Variants in CLYBL observed in about 807,000 individuals in gnomAD.
CLYBL encodes the protein citramalyl-CoA lyase, mitochondrial.
Under a neutral mutation model 38.9 loss-of-function variants are expected in CLYBL, and 31 were observed. The observed-to-expected ratio is 0.80, with a 90% CI of 0.60 to 1.08. The LOEUF is 1.08. Ranked by LOEUF, CLYBL falls within the 50% of genes least tolerant of loss-of-function variation. The pLI is 0.00. For synonymous variants in CLYBL, 171 were observed against 158.6 expected (o/e 1.08, Z -0.59); for missense variants, 434 against 411.6 (o/e 1.05, Z -0.47).
chr13:99,732,787 A>G (rs1377999721), intron 1 of CLYBL, among the ~76,000 whole-genome samples: 1 of 152,246 alleles, frequency 6.6e-6, no homozygotes, highest in Non-Finnish European at 1.5e-5. Context: ...CAGTCTCGAC[A>G]GGATAACTTT....
At chr13:99,702,337 A>G (rs1257574441) in intron 1 of CLYBL, among the ~76,000 whole-genome samples, 1 of 152,118 alleles carries the variant, frequency 6.6e-6, no homozygotes, top group East Asian at 1.9e-4. Context: ...GGGTCTTAAA[A>G]AATTGGCTCA....
intron 2 of CLYBL, among the ~76,000 whole-genome samples, chr13:99,793,835 C>T (rs1289353214): frequency 6.6e-6 from 1 of 150,896 alleles, no homozygotes; most frequent in African/African-American, 2.4e-5. Flanking sequence ...CTACAGAAAG[C>T]CCGGGCCTAG....
At chr13:99,796,149 A>C (rs1024372872) in intron 2 of CLYBL, among the ~76,000 whole-genome samples, 1 of 152,178 alleles carries the variant, frequency 6.6e-6, no homozygotes, top group Admixed American at 6.5e-5. Context: ...AGGAACTTCT[A>C]CTGGTCAGGG....
At chr13:99,793,679 A>G (rs1190583602) in intron 2 of CLYBL, among the ~76,000 whole-genome samples, 1 of 152,206 alleles carries the variant, frequency 6.6e-6, no homozygotes, top group Non-Finnish European at 1.5e-5. Context: ...TAGGGTCATA[A>G]TAGTCAGCAA....
At chr13:99,674,249 T>C (rs2047611254) in intron 1 of CLYBL, among the ~76,000 whole-genome samples, 1 of 145,738 alleles carries the variant, frequency 6.9e-6, no homozygotes, top group African/African-American at 2.6e-5. Flanking sequence ...CCTCGCAGGT[T>C]CAAGCGATTC....
intron 2 of CLYBL, among the ~76,000 whole-genome samples, chr13:99,778,079 G>A (rs181103782): frequency 4.6e-5 from 7 of 152,314 alleles, no homozygotes; most frequent in Non-Finnish European, 7.3e-5. Flanking sequence ...CAAGGTAACT[G>A]ACAGGAGCTC....
chr13:99,720,897 A>G (rs540743888), intron 1 of CLYBL, among the ~76,000 whole-genome samples: 15 of 152,292 alleles, frequency 9.8e-5, no homozygotes, highest in Admixed American at 5.2e-4. Flanking sequence ...CATCTCAGTC[A>G]TAAGTCCTCA....
intron 1 of CLYBL, among the ~76,000 whole-genome samples, chr13:99,720,219 T>G (rs1365732858): frequency 2.0e-5 from 3 of 152,194 alleles, no homozygotes; most frequent in African/African-American, 7.2e-5. Flanking sequence ...TAAAATTTAA[T>G]ATGCATATTT....
intron 1 of CLYBL, among the ~76,000 whole-genome samples, chr13:99,628,164 A>C (rs2046895518): frequency 6.6e-6 from 1 of 152,200 alleles, no homozygotes; most frequent in Non-Finnish European, 1.5e-5. Context: ...ATCTGATTGG[A>C]ATGTGAAATT....
chr13:99,804,027 A>G (rs1444885572), intron 2 of CLYBL, among the ~76,000 whole-genome samples: 1 of 152,220 alleles, frequency 6.6e-6, no homozygotes, highest in Non-Finnish European at 1.5e-5. Flanking sequence ...ACGACCAGAA[A>G]ACAGAAACGA....
chr13:99,891,682 G>C (rs1342951115), intron 8 of CLYBL: 2 of 331,004 alleles, frequency 6.0e-6, no homozygotes, highest in Non-Finnish European at 5.6e-6. Context: ...AGGGAGGTAA[G>C]ATCCTGGGGA....
At chr13:99,782,368 G>A (rs9513663) in intron 2 of CLYBL, among the ~76,000 whole-genome samples, 32,007 of 152,004 alleles carry the variant, frequency 0.21, 3,576 homozygotes, top group East Asian at 0.28. Context: ...TTAGCTGGGC[G>A]TGGTGGTGCG....
At chr13:99,841,629 A>G (rs1435232984) in intron 2 of CLYBL, among the ~76,000 whole-genome samples, 3 of 152,046 alleles carry the variant, frequency 2.0e-5, no homozygotes, top group Non-Finnish European at 4.4e-5. Context: ...TGAACTCCTG[A>G]CCTCAGGTGA....
At chr13:99,892,784 G>A (rs943076866), downstream of CLYBL, 6 of 151,930 alleles carry the variant, frequency 3.9e-5, no homozygotes, top group Non-Finnish European at 4.4e-5. Context: ...TTTCCTCTGC[G>A]GCCCCTAGCA....
At chr13:99,872,164 A>C (rs1451643244) in intron 7 of CLYBL, among the ~76,000 whole-genome samples, 2 of 152,206 alleles carry the variant, frequency 1.3e-5, no homozygotes, top group Non-Finnish European at 2.9e-5. Context: ...AAGGATGTCC[A>C]CATTCAACCC....
chr13:99,694,014 G>C (rs1404839340), intron 1 of CLYBL, among the ~76,000 whole-genome samples: 1 of 152,178 alleles, frequency 6.6e-6, no homozygotes, highest in Non-Finnish European at 1.5e-5. Context: ...CCCAGCAGCA[G>C]CTCGCACAAA....
At chr13:99,632,498 T>C (rs2046959747) in intron 1 of CLYBL, among the ~76,000 whole-genome samples, 1 of 152,158 alleles carries the variant, frequency 6.6e-6, no homozygotes, top group South Asian at 2.1e-4. Context: ...TCCCAGCACT[T>C]TGGGAGACCA....
Position 99,891,310 on chromosome 13 carries a change from T to C in CLYBL, c.928-8T>C, listed in dbSNP as rs981782662. On this transcript the variant is annotated splice_polypyrimidine_tract_variant and splice_region_variant and intron_variant, in intron 7 of 8. Coordinates refer to ENST00000339105, the MANE Select transcript of CLYBL (RefSeq NM_206808.5). The stretch of plus-strand genomic sequence containing the variant: ...TCTTTCAGGAAGTTTGTATTCTCTG[T>C]TTTCCAGGGGGCCTTTACTTTCCAA... 3.7e-6 allele frequency: 6 copies of C among 1,604,896 alleles called. No homozygotes were observed. The highest frequency in any genetic ancestry group is 5.1e-6 in the Non-Finnish European group (6 of 1,171,852).
chr13:99,856,752 C>T (rs2051468533), intron 2 of CLYBL, among the ~76,000 whole-genome samples: 1 of 152,042 alleles, frequency 6.6e-6, no homozygotes, highest in Non-Finnish European at 1.5e-5. Context: ...GATTCTCCTG[C>T]CTCAGCCTCC....
Sources: allele counts gnomAD v4.1 joint callset (sites outside exome capture counted in the v4.1 genomes callset), GRCh38; gene constraint gnomAD v4.1.1; transcripts MANE v1.5; gene names NCBI Gene and HGNC (gene_info 2026-07-23, HGNC 2026-07-21).